The following MAP3K8 variants were observed in gnomAD, a reference collection of about 807,000 sequenced individuals.
MAP3K8 encodes Ewing sarcoma transformant.
MAP3K8 carries 22 observed loss-of-function variants against 45.8 expected under a neutral mutation model. The ratio of observed to expected loss-of-function variants is 0.48; its 90% confidence interval spans 0.34 to 0.69. MAP3K8 has a LOEUF of 0.69. Ranked by LOEUF, MAP3K8 falls within the 30% of genes least tolerant of loss-of-function variation. The pLI is 0.01. For synonymous variants in MAP3K8, 223 were observed against 214.3 expected (o/e 1.04, Z -0.36); for missense variants, 419 against 585.0 (o/e 0.72, Z 2.93).
Position 30,434,248 on chromosome 10 carries a change from T to C in MAP3K8, c.-385T>C, listed in dbSNP as rs1272130034. On this transcript the variant is annotated 5_prime_UTR_variant, in exon 1 of 9. Transcript: ENST00000263056. ...GGTCCGGCGCCCTGGTTCCTGCTTC[T>C]GCCGCTGCCGCCGCCGGATCCCAGT... 2 of 160,788 alleles carry C rather than the reference T, an allele frequency of 1.2e-5. No homozygotes were observed. Among genetic ancestry groups the C allele is most frequent in the Non-Finnish European group, 2.6e-5 (2 of 75,930 alleles). 10.0% of individuals were successfully genotyped at this position (160,788 alleles called of 1,614,324 possible).
intron 4 of MAP3K8, 116 bp downstream of exon 4, chr10:30,448,065 G>T: frequency 2.3e-6 from 2 of 879,522 alleles, no homozygotes; most frequent in Non-Finnish European, 3.5e-6. Flanking sequence ...TTATCTGAGG[G>T]TGCACTGCCT....
At position 30,454,119 on chromosome 10, in the gene MAP3K8, G is replaced by C. The variant is rs1836651997; in HGVS notation, c.873+2375G>C. On this transcript the variant is annotated intron_variant, in intron 6 of 8. Transcript: ENST00000263056. ...CCTTGGCCCCTCACCACTACCGGGG[G>C]AAGCTGCACTGCCTGAGCCACTCAG... Among the ~76,000 whole-genome samples, 4 of 152,130 alleles carry C rather than the reference G, an allele frequency of 2.6e-5. No individual in the cohort carries two copies. The South Asian group carries it at 8.3e-4, about 32-fold the overall frequency.
intron 6 of MAP3K8, among the ~76,000 whole-genome samples, chr10:30,455,213 A>C (rs894083115): frequency 4.6e-5 from 7 of 152,212 alleles, no homozygotes; most frequent in African/African-American, 1.7e-4. Context: ...ATATCTGCCT[A>C]GTACACACGA....
intron 6 of MAP3K8, among the ~76,000 whole-genome samples, chr10:30,452,961 G>C (rs1055867527): frequency 6.6e-6 from 1 of 151,894 alleles, no homozygotes; most frequent in Non-Finnish European, 1.5e-5. Flanking sequence ...CTACAGGTTT[G>C]AGCCCCCGTG....
intron 6 of MAP3K8, among the ~76,000 whole-genome samples, chr10:30,452,622 CAAA>C (rs201850531): frequency 1.5e-5 from 2 of 129,542 alleles, no homozygotes. Flanking sequence ...GATGTTGCTT[CAAA>C]AAAAAAAAAA....
chr10:30,456,611 T>C (rs1196092306), intron 6 of MAP3K8, among the ~76,000 whole-genome samples: 1 of 152,186 alleles, frequency 6.6e-6, no homozygotes, highest in Non-Finnish European at 1.5e-5. Flanking sequence ...AATCAGGATA[T>C]TAACTACTAT....
At chr10:30,448,082 A>G (rs560693487) in intron 4 of MAP3K8, 133 bp downstream of exon 4, 1 of 758,292 alleles carries the variant, frequency 1.3e-6, no homozygotes, top group Non-Finnish European at 2.1e-6. Flanking sequence ...GCCTCAAAGC[A>G]TTTGTTTTTC....
At chr10:30,444,152 T>A (rs946468533) in intron 3 of MAP3K8, among the ~76,000 whole-genome samples, 6 of 151,150 alleles carry the variant, frequency 4.0e-5, no homozygotes, top group South Asian at 4.2e-4. Flanking sequence ...ATGGGGCCAC[T>A]GCACTCCAGC....
intron 3 of MAP3K8, among the ~76,000 whole-genome samples, chr10:30,446,669 T>G (rs1489304188): frequency 2.0e-5 from 3 of 152,146 alleles, no homozygotes; most frequent in African/African-American, 7.2e-5. Context: ...ACTCTGGACA[T>G]GTTACAGGCA....
chr10:30,451,438 G>A lies in MAP3K8; in HGVS notation c.767-200G>A, dbSNP rs1460272230. On this transcript the variant is annotated intron_variant, in intron 5 of 8. Coordinates refer to ENST00000263056, the MANE Select transcript of MAP3K8 (RefSeq NM_005204.4). ...ACAATCATTCATACCCACATTGGCT[G>A]TATTCTTGATGGATCCAAAGTGATT... Among the ~76,000 whole-genome samples, 4 of 152,152 alleles carry A rather than the reference G, an allele frequency of 2.6e-5. No individual in the cohort carries two copies. The East Asian group carries it at 7.7e-4, about 29-fold the overall frequency.
intron 6 of MAP3K8, among the ~76,000 whole-genome samples, chr10:30,452,260 G>A (rs1436121546): frequency 3.3e-5 from 5 of 151,778 alleles, no homozygotes; most frequent in African/African-American, 7.3e-5. Flanking sequence ...ACCTGAGGTC[G>A]GGAGTTTGAG....
At chr10:30,450,546 T>C in intron 5 of MAP3K8, 27 bp downstream of exon 5, 1 of 1,611,034 alleles carries the variant, frequency 6.2e-7, no homozygotes, top group South Asian at 1.1e-5. Flanking sequence ...ATATACCTTT[T>C]TGGCTCAAAG....
chr10:30,437,181 A>G lies in MAP3K8; in HGVS notation c.-249A>G. 5 of 985,236 alleles carry G rather than the reference A, an allele frequency of 5.1e-6. No homozygotes were observed. The highest frequency in any genetic ancestry group is 1.1e-4 in the East Asian group (1 of 8,808). The allele number at this position is 985,236 out of a possible 1,614,324, so 61.0% of individuals were successfully genotyped here. A position where few individuals can be genotyped will look rare whatever the true frequency, so the allele number is the denominator to read the frequency against. On this transcript the variant is annotated 5_prime_UTR_variant, in exon 2 of 9. Coordinates refer to ENST00000263056, the MANE Select transcript of MAP3K8 (RefSeq NM_005204.4). ...CTCTTTATGTCTTGTTTTAGATGCA[A>G]TCTTCTTACCGCGAAGAAGCCAGGG...
chr10:30,457,078 C>A (rs1248255602), intron 6 of MAP3K8, among the ~76,000 whole-genome samples: 2 of 150,400 alleles, frequency 1.3e-5, no homozygotes, highest in Non-Finnish European at 1.5e-5. Context: ...AGGGAGACCC[C>A]ATCTCGAAAA....
At position 30,434,610 on chromosome 10, in the gene MAP3K8, C is replaced by A. The variant is rs1835852239; in HGVS notation, c.-255+232C>A. The stretch of plus-strand genomic sequence containing the variant: ...GGGGTGCAGACTCGCGACTCCTCCC[C>A]CTTCCTCCTCCTTCCCGTATCCGCA... On this transcript the variant is annotated intron_variant, in intron 1 of 8. Transcript: ENST00000263056. 11 of 985,776 alleles carry A rather than the reference C, an allele frequency of 1.1e-5. No individual in the cohort carries two copies. The South Asian group carries it at 4.7e-4, about 42-fold the overall frequency. 61.1% of individuals were successfully genotyped at this position (985,776 alleles called of 1,614,324 possible).
In MAP3K8 at chr10:30,450,310, G is replaced by T; in HGVS notation, c.557G>T (p.Arg186Leu). The T allele has an allele frequency of 6.2e-7, 1 of 1,611,958 alleles. No individual in the cohort carries two copies. Among genetic ancestry groups the T allele is most frequent in the Non-Finnish European group, 8.5e-7 (1 of 1,178,380 alleles). ...GATGTGGAAATCCAGGCTTGCTTCC[G>T]GCACGAGAACATCGCAGAGCTGTAT... ...PSDVEIQACF[R>L]HENIAELYGA... Residue 186 changes from arginine (R) to leucine (L), a missense_variant, in exon 5 of 9, where the codon CGG (arginine) becomes CTG (leucine). Physicochemically the swap from Arg to Leu is moderately radical, Grantham distance 102 (BLOSUM62 -2). This residue lies in a region of MAP3K8 where 209 missense variants were observed against 367.3 expected (regional missense o/e 0.57). Coordinates refer to ENST00000263056, the MANE Select transcript of MAP3K8 (RefSeq NM_005204.4).
At chr10:30,444,662 G>A (rs1836250103) in intron 3 of MAP3K8, among the ~76,000 whole-genome samples, 2 of 152,172 alleles carry the variant, frequency 1.3e-5, no homozygotes, top group Admixed American at 1.3e-4. Context: ...TAAAATAGGG[G>A]TGAATGGGGG....
At chr10:30,436,377 G>C (rs1835908037) in intron 1 of MAP3K8, among the ~76,000 whole-genome samples, 1 of 152,142 alleles carries the variant, frequency 6.6e-6, no homozygotes, top group Non-Finnish European at 1.5e-5. Flanking sequence ...GTAGATTTGC[G>C]TGACAGGGGC....
intron 6 of MAP3K8, among the ~76,000 whole-genome samples, chr10:30,455,095 G>A (rs1378831395): frequency 6.6e-6 from 1 of 152,164 alleles, no homozygotes; most frequent in Non-Finnish European, 1.5e-5. Context: ...CTCCTGAGTA[G>A]TATTTGGATC....
Sources: gnomAD v4.1 joint callset for allele counts (sites outside exome capture counted in the v4.1 genomes callset) on GRCh38, gnomAD v4.1.1 for gene constraint, gnomAD v4.1.1 regional missense constraint, MANE v1.5 for transcripts, NCBI Gene and HGNC (gene_info 2026-07-23, HGNC 2026-07-21) for gene names.